The following GRIN2B variants were observed in gnomAD, a reference collection of about 807,000 sequenced individuals.
GRIN2B encodes glutamate ionotropic receptor NMDA type subunit 2B, also known as glutamate receptor ionotropic, NMDA 2B.
In GRIN2B, 5 loss-of-function variants were observed where a neutral mutation model predicts 114.5. That is an observed-to-expected ratio of 0.04 (90% CI 0.02 to 0.09). The LOEUF is 0.09. GRIN2B is among the 10% of genes least tolerant of loss of function. The pLI, the probability that GRIN2B is intolerant of heterozygous loss-of-function variation, is 1.00. For missense variants in GRIN2B, 1,108 were observed against 1,943.5 expected (o/e 0.57, Z 8.08); for synonymous variants, 787 against 745.1 (o/e 1.06, Z -0.92).
intron 2 of GRIN2B, 59 bp from the exon 3 acceptor site, chr12:13,866,285 G>T (rs957210889): frequency 2.8e-6 from 4 of 1,452,934 alleles, no homozygotes; most frequent in African/African-American, 1.4e-5. Flanking sequence ...ACCTGTCTTA[G>T]AAGAGGCTAG....
At chr12:13,730,689 G>A (rs149508656) in intron 4 of GRIN2B, among the ~76,000 whole-genome samples, 203 of 152,118 alleles carry the variant, frequency 1.3e-3, no homozygotes, top group African/African-American at 4.8e-3. Context: ...GGGGGAAAAT[G>A]GTTTGAATCT....
chr12:13,643,607 T>C (rs181765763), intron 5 of GRIN2B, among the ~76,000 whole-genome samples: 2 of 152,148 alleles, frequency 1.3e-5, no homozygotes, highest in South Asian at 2.1e-4. Flanking sequence ...CTTCCTTTCA[T>C]GAAAGATTTC....
At chr12:13,568,997 T>G (rs1752963776) in intron 12 of GRIN2B, among the ~76,000 whole-genome samples, 1 of 152,058 alleles carries the variant, frequency 6.6e-6, no homozygotes, top group South Asian at 2.1e-4. Flanking sequence ...TGGCCGCAAG[T>G]TTATTTCTCC....
intron 10 of GRIN2B, among the ~76,000 whole-genome samples, chr12:13,604,878 G>A (rs142801170): frequency 1.3e-3 from 204 of 152,236 alleles, no homozygotes; most frequent in African/African-American, 4.7e-3. Flanking sequence ...GACAGATTCT[G>A]GTAGGGTGCT....
intron 3 of GRIN2B, among the ~76,000 whole-genome samples, chr12:13,755,459 C>T (rs947706232): frequency 6.6e-6 from 1 of 152,040 alleles, no homozygotes; most frequent in African/African-American, 2.4e-5. Context: ...GTAATTTTTC[C>T]TGGTAAGGGT....
intron 3 of GRIN2B, among the ~76,000 whole-genome samples, chr12:13,861,116 C>G (rs1865744359): frequency 6.6e-6 from 1 of 152,156 alleles, no homozygotes; most frequent in African/African-American, 2.4e-5. Flanking sequence ...AACTGAGTAT[C>G]ATGTAGTATA....
At chr12:13,819,777 A>T (rs1179853765) in intron 3 of GRIN2B, among the ~76,000 whole-genome samples, 1 of 152,172 alleles carries the variant, frequency 6.6e-6, no homozygotes, top group Admixed American at 6.5e-5. Context: ...ACTACAAAAA[A>T]ATCCTTTGCA....
chr12:13,831,290 C>G lies in GRIN2B; in HGVS notation c.411+34508G>C, dbSNP rs114750795. On this transcript the variant is annotated intron_variant, in intron 3 of 13. Coordinates refer to ENST00000609686, the MANE Select transcript of GRIN2B (RefSeq NM_000834.5). Reference sequence around the variant, plus strand: ...CTTAGCCTCAGGTACTCCTTTATAGCAACATAAATGAACTAAGACAGCAGG... The same window carrying G: ...CTTAGCCTCAGGTACTCCTTTATAGGAACATAAATGAACTAAGACAGCAGG... 9.6e-3 allele frequency among the ~76,000 whole-genome samples: 1,463 copies of G among 152,288 alleles called. 25 individuals carry two copies. Among genetic ancestry groups the G allele is most frequent in the African/African-American group, 0.033 (1,364 of 41,560 alleles).
At chr12:13,587,344 C>CTT (rs112925422) in intron 10 of GRIN2B, among the ~76,000 whole-genome samples, 4 of 138,974 alleles carry the variant, frequency 2.9e-5, no homozygotes, top group South Asian at 2.3e-4. Flanking sequence ...CTTTTTATTT[C>CTT]TTTTTTTTTT....
In GRIN2B at chr12:13,615,774, T is replaced by C; in HGVS notation, c.1329-110A>G. 1 of 864,522 alleles carries C rather than the reference T, an allele frequency of 1.2e-6. No individual in the cohort carries two copies. The highest frequency in any genetic ancestry group is 1.7e-5 in the Admixed American group (1 of 57,398). The allele number at this position is 864,522 out of a possible 1,614,324, so 53.6% of individuals were successfully genotyped here. ...ACCTCCAATCCCAAAGCAGGCCCCC[T>C]TCACAGCTCAGCACAATTTATACTA... On this transcript the variant is annotated intron_variant, in intron 6 of 13. Transcript: ENST00000609686. The surrounding 1 kb of genome is among the most constrained non-coding windows in gnomAD (Gnocchi z 5.8).
chr12:13,671,886 C>A (rs1029558389), intron 5 of GRIN2B, among the ~76,000 whole-genome samples: 3 of 152,052 alleles, frequency 2.0e-5, no homozygotes, highest in Non-Finnish European at 4.4e-5. Flanking sequence ...TGTGAAGAGG[C>A]AGGCAATAAA....
At chr12:13,736,684 G>A (rs4764032) in intron 4 of GRIN2B, among the ~76,000 whole-genome samples, 104,532 of 152,082 alleles carry the variant, frequency 0.69, 36,621 homozygotes, top group African/African-American at 0.8. Flanking sequence ...AGCTGCCTAC[G>A]TAAGATATTT....
chr12:13,780,455 C>A (rs1864087685), intron 3 of GRIN2B, among the ~76,000 whole-genome samples: 14 of 152,154 alleles, frequency 9.2e-5, no homozygotes, highest in Admixed American at 9.2e-4. Context: ...CATATCCATT[C>A]CCAACCATGG....
In GRIN2B at chr12:13,560,409, A is replaced by C. The variant is rs902915588; in HGVS notation, c.*2374T>G. On this transcript the variant is annotated 3_prime_UTR_variant, in exon 14 of 14. Transcript: ENST00000609686. Reference sequence around the variant, plus strand: ...CAAAATTAGAAAACAAAATATTTACATATGAAATAAACACCATCTTGATTT... The same window carrying C: ...CAAAATTAGAAAACAAAATATTTACCTATGAAATAAACACCATCTTGATTT... 1.3e-5 allele frequency: 2 copies of C among 152,258 alleles called. No individual in the cohort carries two copies. The highest frequency in any genetic ancestry group is 2.9e-5 in the Non-Finnish European group (2 of 68,042). The allele number at this position is 152,258 out of a possible 1,614,324, so 9.4% of individuals were successfully genotyped here. A position where few individuals can be genotyped will look rare whatever the true frequency, so the allele number is the denominator to read the frequency against.
In GRIN2B at chr12:13,553,984, T is replaced by C. The variant is rs1948448257; in HGVS notation, c.*8799A>G. 6.6e-6 allele frequency: 1 copy of C among 152,168 alleles called. No homozygotes were observed. The highest frequency in any genetic ancestry group is 6.5e-5 in the Admixed American group (1 of 15,268). 9.4% of individuals were successfully genotyped at this position (152,168 alleles called of 1,614,324 possible). A position where few individuals can be genotyped will look rare whatever the true frequency, so the allele number is the denominator to read the frequency against. ...TTTGAAATAATGAACTGTATACATG[T>C]AGTATATACATGTGATTGTGTGTGC... On this transcript the variant is annotated 3_prime_UTR_variant, in exon 14 of 14. Coordinates refer to ENST00000609686, the MANE Select transcript of GRIN2B (RefSeq NM_000834.5).
At chr12:13,906,757 T>C (rs1866542202) in intron 2 of GRIN2B, among the ~76,000 whole-genome samples, 2 of 152,228 alleles carry the variant, frequency 1.3e-5, no homozygotes, top group African/African-American at 2.4e-5. Flanking sequence ...TCAAAATGTG[T>C]ATAAAATCCA....
intron 4 of GRIN2B, among the ~76,000 whole-genome samples, chr12:13,745,274 C>A (rs988487378): frequency 6.6e-6 from 1 of 152,200 alleles, no homozygotes; most frequent in Non-Finnish European, 1.5e-5. Flanking sequence ...TCCTTACCCC[C>A]ACCCAGGCAG....
intron 10 of GRIN2B, among the ~76,000 whole-genome samples, chr12:13,575,136 TAGAC>T (rs1332493501): frequency 2.6e-5 from 4 of 152,200 alleles, no homozygotes; most frequent in Admixed American, 2.6e-4. Context: ...AATCTTGAGT[TAGAC>T]AGAGATTTCT....
intron 2 of GRIN2B, among the ~76,000 whole-genome samples, chr12:13,941,027 G>A (rs1867238837): frequency 6.6e-6 from 1 of 151,458 alleles, no homozygotes; most frequent in Middle Eastern, 3.2e-3. Context: ...TTATGCTAGT[G>A]CCCCACTAGC....
Sources: gnomAD v4.1 joint callset for allele counts (sites outside exome capture counted in the v4.1 genomes callset) on GRCh38, gnomAD v4.1.1 for gene constraint, Gnocchi (gnomAD v3.1) non-coding constraint, MANE v1.5 for transcripts, NCBI Gene and HGNC (gene_info 2026-07-23, HGNC 2026-07-21) for gene names.